The following RSF1 variants were observed in gnomAD, a reference collection of about 807,000 sequenced individuals.
RSF1 encodes HBV pX-associated protein 8.
A neutral mutation model predicts 145.2 loss-of-function variants in RSF1; 13 were observed. That is an observed-to-expected ratio of 0.09 (90% CI 0.06 to 0.14). The LOEUF (loss-of-function observed/expected upper bound fraction) is 0.14. Ranked by LOEUF, RSF1 falls within the 10% of genes least tolerant of loss-of-function variation. The pLI, the probability that RSF1 is intolerant of heterozygous loss-of-function variation, is 1.00. For synonymous variants in RSF1, 577 were observed against 592.6 expected, an observed-to-expected ratio of 0.97 and a Z score of 0.38; for missense variants, 1,517 against 1,718.2, an observed-to-expected ratio of 0.88 and a Z score of 2.07.
the RSF1 span, chr11:77,855,401 C>A: frequency 1.9e-5 from 3 of 155,734 alleles, no homozygotes; most frequent in African/African-American, 7.2e-5. Context: ...CTCACTGCAA[C>A]CTCCACCTCC....
intron 1 of RSF1, among the ~76,000 whole-genome samples, chr11:77,793,232 C>A (rs1948538098): frequency 6.6e-6 from 1 of 152,154 alleles, no homozygotes; most frequent in Non-Finnish European, 1.5e-5. Context: ...GTAATCCCAG[C>A]ACTTTAAGAG....
Position 77,678,083 on chromosome 11 carries a change from T to C in RSF1, c.3133+3A>G, listed in dbSNP as rs202201937. 14 of 1,609,622 alleles carry C rather than the reference T, an allele frequency of 8.7e-6. No individual in the cohort carries two copies. Among genetic ancestry groups the C allele is most frequent in the Admixed American group, 1.7e-5 (1 of 59,936 alleles). On this transcript the variant is annotated splice_donor_region_variant and intron_variant, in intron 12 of 15. Transcript: ENST00000308488. ...TGAAGAAGAGAGAACGACAAACACA[T>C]ACCTCCTCCATCGGCTTCTTTGATG...
At chr11:77,832,973 GT>G in the RSF1 span, among the ~76,000 whole-genome samples, 1 of 64,806 alleles carries the variant, frequency 1.5e-5, no homozygotes, top group Non-Finnish European at 2.8e-5. Context: ...GTGTGTGTGT[GT>G]GTGTGTGTGT....
At chr11:77,715,383 T>C (rs1960783338) in intron 5 of RSF1, among the ~76,000 whole-genome samples, 1 of 148,702 alleles carries the variant, frequency 6.7e-6, no homozygotes. Flanking sequence ...ATCATAATGT[T>C]GTAACAATAA....
chr11:77,721,084 G>T (rs775984073), intron 5 of RSF1, among the ~76,000 whole-genome samples: 1 of 152,138 alleles, frequency 6.6e-6, no homozygotes, highest in Non-Finnish European at 1.5e-5. Context: ...AATGACTAAA[G>T]AAAAATCTAT....
intron 4 of RSF1, 100 bp from the exon 5 acceptor site, chr11:77,725,799 A>G: frequency 1.1e-6 from 1 of 895,276 alleles, no homozygotes; most frequent in Non-Finnish European, 1.5e-6. Flanking sequence ...AAAGAAAAAT[A>G]CATTAAGAAC....
At chr11:77,758,546 C>T (rs968021106) in intron 2 of RSF1, among the ~76,000 whole-genome samples, 3 of 152,136 alleles carry the variant, frequency 2.0e-5, no homozygotes, top group Admixed American at 2.0e-4. Flanking sequence ...AGCAGCTGTA[C>T]CATATTACAC....
At chr11:77,852,629 C>T in the RSF1 span, among the ~76,000 whole-genome samples, 1 of 152,176 alleles carries the variant, frequency 6.6e-6, no homozygotes, top group African/African-American at 2.4e-5. Context: ...TCTTATTCAC[C>T]TCCCTATCTC....
the RSF1 span, among the ~76,000 whole-genome samples, chr11:77,848,740 A>G: frequency 3.2e-4 from 49 of 152,246 alleles, no homozygotes; most frequent in African/African-American, 1.2e-3. Context: ...TGTGAAAGCA[A>G]ACAGTAAGCT....
rs1489828677 is a variant in RSF1 at position 77,660,499 on chromosome 11, AGAGT to A, written c.*6414_*6417del. 1 of 152,066 alleles carries A rather than the reference AGAGT, an allele frequency of 6.6e-6. No individual in the cohort carries two copies. Among genetic ancestry groups the A allele is most frequent in the African/African-American group, 2.4e-5 (1 of 41,408 alleles). 9.4% of individuals were successfully genotyped at this position (152,066 alleles called of 1,614,324 possible). A position where few individuals can be genotyped will look rare whatever the true frequency, so the allele number is the denominator to read the frequency against. ...TAACAGCATGGTCCTGATTACCTCA[AGAGT>A]TAGTTTTATGCCAATCTTGGAGCTT... On this transcript the variant is annotated 3_prime_UTR_variant, in exon 16 of 16. Coordinates refer to ENST00000308488, the MANE Select transcript of RSF1 (RefSeq NM_016578.4).
At chr11:77,854,239 G>A in the RSF1 span, among the ~76,000 whole-genome samples, 9 of 151,922 alleles carry the variant, frequency 5.9e-5, no homozygotes, top group East Asian at 1.9e-4. Context: ...TGATCCACCC[G>A]TCTCAGCCTC....
intron 4 of RSF1, chr11:77,738,763 C>T (rs1195811746): frequency 6.6e-6 from 1 of 152,246 alleles, no homozygotes. Context: ...TCACTGCAAC[C>T]TCCACCTGCT....
intron 3 of RSF1, among the ~76,000 whole-genome samples, chr11:77,743,621 A>C (rs1947966083): frequency 6.6e-6 from 1 of 152,150 alleles, no homozygotes; most frequent in Non-Finnish European, 1.5e-5. Context: ...CTGTTGGTAG[A>C]GTCTTTAGGA....
intron 15 of RSF1, among the ~76,000 whole-genome samples, chr11:77,670,885 T>C (rs1959505065): frequency 6.6e-6 from 1 of 151,640 alleles, no homozygotes; most frequent in South Asian, 2.1e-4. Context: ...GGTGGGCGGA[T>C]AACCTGAGGT....
chr11:77,752,516 C>T (rs1194419747), intron 2 of RSF1, among the ~76,000 whole-genome samples: 1 of 152,136 alleles, frequency 6.6e-6, no homozygotes, highest in Non-Finnish European at 1.5e-5. Flanking sequence ...CTATAAAACC[C>T]CTTGCATTTC....
At chr11:77,832,279 A>G in the RSF1 span, among the ~76,000 whole-genome samples, 1 of 151,920 alleles carries the variant, frequency 6.6e-6, no homozygotes, top group African/African-American at 2.4e-5. Context: ...ATATAAATTT[A>G]TTCTTTGAGT....
chr11:77,711,901 T>C (rs1479763168), intron 5 of RSF1, among the ~76,000 whole-genome samples: 1 of 152,178 alleles, frequency 6.6e-6, no homozygotes. Flanking sequence ...CAACCCTTAG[T>C]CTCCTCCATT....
At chr11:77,710,007 G>GA (rs1960640795) in intron 5 of RSF1, among the ~76,000 whole-genome samples, 1 of 152,120 alleles carries the variant, frequency 6.6e-6, no homozygotes, top group Admixed American at 6.5e-5. Context: ...GTATAGCAAA[G>GA]AAAACCACAC....
the RSF1 span, among the ~76,000 whole-genome samples, chr11:77,863,202 A>C: frequency 2.0e-5 from 3 of 152,078 alleles, no homozygotes; most frequent in African/African-American, 7.2e-5. Context: ...CTTGATTAGG[A>C]CGAACCCGGG....
Sources: gnomAD v4.1 joint callset for allele counts (sites outside exome capture counted in the v4.1 genomes callset) on GRCh38, gnomAD v4.1.1 for gene constraint, MANE v1.5 for transcripts, NCBI Gene and HGNC (gene_info 2026-07-23, HGNC 2026-07-21) for gene names.